Variants in PLEKHM3 observed in about 807,000 individuals in gnomAD.
PLEKHM3 encodes pleckstrin homology domain containing M3.
Under a neutral mutation model 81.8 loss-of-function variants are expected in PLEKHM3, and 45 were observed. That is an observed-to-expected ratio of 0.55 (90% CI 0.43 to 0.71). The LOEUF (loss-of-function observed/expected upper bound fraction) is 0.71. Ranked by LOEUF, PLEKHM3 falls within the 30% of genes least tolerant of loss-of-function variation. PLEKHM3 has a pLI of 0.00. For missense variants in PLEKHM3, 788 were observed against 924.3 expected, an observed-to-expected ratio of 0.85 and a Z score of 1.91; for synonymous variants, 352 against 356.4, an observed-to-expected ratio of 0.99 and a Z score of 0.14.
Position 208,001,727 on chromosome 2 carries a change from CAAT to C in PLEKHM3, c.-91_-89del. On this transcript the variant is annotated 5_prime_UTR_variant, in exon 2 of 8. Coordinates refer to ENST00000427836, the MANE Select transcript of PLEKHM3 (RefSeq NM_001080475.3). ...CACCCAACCAAGAGGGGTGCTTCAG[CAAT>C]AGAGCTATGGAAACAACTGGAAGAA... The C allele has an allele frequency of 6.6e-7, 1 of 1,518,428 alleles. No individual in the cohort carries two copies. The allele number at this position is 1,518,428 out of a possible 1,614,324, so 94.1% of individuals were successfully genotyped here.
rs1328544147 is a variant in PLEKHM3, at chr2:208,011,063, TCAA to T, written c.-318-9109_-318-9107del. Among the ~76,000 whole-genome samples, 373 of 82,450 alleles carry T rather than the reference TCAA, an allele frequency of 4.5e-3. 2 individuals are homozygous for T. The highest frequency in any genetic ancestry group is 0.017 in the African/African-American group (349 of 20,360). The allele number at this position is 82,450 out of a possible 152,430, so 54.1% of individuals were successfully genotyped here. ...CTTACTCCTGCAAGAATGGCCATAA[TCAA>T]AAAAAAAAAAAAAAAAACAAAATAG... On this transcript the variant is annotated intron_variant, in intron 1 of 7. Transcript: ENST00000427836.
chr2:207,898,764 C>T (rs748929833), intron 6 of PLEKHM3, among the ~76,000 whole-genome samples: 3 of 151,894 alleles, frequency 2.0e-5, no homozygotes, highest in Non-Finnish European at 4.4e-5. Context: ...AGCGTGGTGG[C>T]GCGTGCCTAT....
intron 6 of PLEKHM3, among the ~76,000 whole-genome samples, chr2:207,889,194 T>A (rs1687972837): frequency 6.6e-6 from 1 of 152,188 alleles, no homozygotes; most frequent in Non-Finnish European, 1.5e-5. Flanking sequence ...CTTGGCACTG[T>A]TGCACATGCT....
intron 6 of PLEKHM3, among the ~76,000 whole-genome samples, chr2:207,885,597 A>C (rs1276073742): frequency 6.6e-6 from 1 of 152,224 alleles, no homozygotes; most frequent in East Asian, 1.9e-4. Context: ...AGTAACATTA[A>C]AGAAAAATAA....
At chr2:207,848,760 C>A (rs73062866) in intron 7 of PLEKHM3, among the ~76,000 whole-genome samples, 6,622 of 152,176 alleles carry the variant, frequency 0.044, 305 homozygotes, top group African/African-American at 0.11. Flanking sequence ...TGCAGTGAAA[C>A]GCAAAATGAC....
chr2:207,828,729 T>TG (rs973227795), intron 7 of PLEKHM3, among the ~76,000 whole-genome samples: 5 of 151,950 alleles, frequency 3.3e-5, no homozygotes, highest in Admixed American at 6.6e-5. Context: ...GGCTTATGAG[T>TG]GGGGGGGAGT....
chr2:207,990,650 G>C (rs919932161), intron 2 of PLEKHM3, among the ~76,000 whole-genome samples: 1 of 152,180 alleles, frequency 6.6e-6, no homozygotes, highest in African/African-American at 2.4e-5. Context: ...CATGAAGAGA[G>C]TGATACTACA....
chr2:207,876,680 C>G (rs775941685), intron 6 of PLEKHM3, among the ~76,000 whole-genome samples: 1 of 152,180 alleles, frequency 6.6e-6, no homozygotes, highest in Non-Finnish European at 1.5e-5. Context: ...GACACTTAAA[C>G]TTATCTCTTT....
intron 6 of PLEKHM3, among the ~76,000 whole-genome samples, chr2:207,880,875 T>C (rs991611847): frequency 3.3e-5 from 5 of 149,534 alleles, no homozygotes; most frequent in Non-Finnish European, 4.5e-5. Flanking sequence ...GTCTTTTTTT[T>C]TACCTCTAAA....
chr2:207,929,143 G>T (rs925186714), intron 5 of PLEKHM3, among the ~76,000 whole-genome samples: 2 of 152,162 alleles, frequency 1.3e-5, no homozygotes. Context: ...GTCCAGGAAA[G>T]AAAAATATAG....
At chr2:207,852,982 G>C in intron 7 of PLEKHM3, 1 of 368,534 alleles carries the variant, frequency 2.7e-6, no homozygotes, top group South Asian at 2.2e-5. Context: ...GGGAGCTCCA[G>C]GTCCACCCCG....
intron 3 of PLEKHM3, among the ~76,000 whole-genome samples, chr2:207,969,952 A>G (rs1691054544): frequency 6.6e-6 from 1 of 152,204 alleles, no homozygotes; most frequent in African/African-American, 2.4e-5. Flanking sequence ...ATCCATTCCC[A>G]CAAATAAAGA....
intron 3 of PLEKHM3, among the ~76,000 whole-genome samples, chr2:207,967,999 C>T (rs768573086): frequency 1.6e-4 from 25 of 151,878 alleles, no homozygotes; most frequent in Non-Finnish European, 3.4e-4. Flanking sequence ...GAGAGGGAAC[C>T]ATTAGACAAC....
intron 1 of PLEKHM3, among the ~76,000 whole-genome samples, chr2:208,013,333 T>C (rs759415525): frequency 7.3e-5 from 11 of 151,660 alleles, no homozygotes; most frequent in Non-Finnish European, 1.5e-4. Context: ...CTGGCCAACA[T>C]AGCGAAACCC....
At chr2:207,982,241 C>A (rs914255493) in intron 2 of PLEKHM3, among the ~76,000 whole-genome samples, 1 of 130,642 alleles carries the variant, frequency 7.7e-6, no homozygotes, top group African/African-American at 2.9e-5. Flanking sequence ...CACTCCCCCC[C>A]TCGCTCCCCC....
intron 7 of PLEKHM3, among the ~76,000 whole-genome samples, chr2:207,834,763 C>T (rs945683701): frequency 2.0e-5 from 3 of 151,838 alleles, no homozygotes; most frequent in African/African-American, 7.3e-5. Flanking sequence ...CTTGGTGGTG[C>T]GTCTTAGTCC....
chr2:207,990,372 GCTCAATC>G (rs1469521599), intron 2 of PLEKHM3, among the ~76,000 whole-genome samples: 3 of 152,064 alleles, frequency 2.0e-5, no homozygotes, highest in Non-Finnish European at 4.4e-5. Flanking sequence ...TTGACTTTGT[GCTCAATC>G]CTCAAAGCTC....
chr2:207,978,072 C>T (rs1467251093), intron 2 of PLEKHM3, among the ~76,000 whole-genome samples: 4 of 152,060 alleles, frequency 2.6e-5, no homozygotes, highest in African/African-American at 9.7e-5. Flanking sequence ...AGTGACACAG[C>T]AAGACTCTGT....
At chr2:207,859,583 G>A (rs2092456180) in intron 7 of PLEKHM3, among the ~76,000 whole-genome samples, 1 of 151,024 alleles carries the variant, frequency 6.6e-6, no homozygotes, top group African/African-American at 2.4e-5. Flanking sequence ...TTGTGTACAA[G>A]TTTTATGTGG....
Sources: allele counts gnomAD v4.1 joint callset (sites outside exome capture counted in the v4.1 genomes callset), GRCh38; gene constraint gnomAD v4.1.1; transcripts MANE v1.5; gene names NCBI Gene and HGNC (gene_info 2026-07-23, HGNC 2026-07-21).